Variants in CNNM2 observed in about 807,000 individuals in gnomAD.
CNNM2 encodes the protein metal transporter CNNM2.
In CNNM2, 12 loss-of-function variants were observed where a neutral mutation model predicts 66.9. That is an observed-to-expected ratio of 0.18 (90% CI 0.11 to 0.29). CNNM2 has a LOEUF of 0.29. CNNM2 is among the 10% of genes least tolerant of loss of function. The probability of loss-of-function intolerance (pLI) is 1.00; values close to 1 mark genes in which losing one functional copy is unlikely to be tolerated. For synonymous variants in CNNM2, 557 were observed against 501.8 expected, an observed-to-expected ratio of 1.11 and a Z score of -1.47; for missense variants, 705 against 1,167.7, an observed-to-expected ratio of 0.60 and a Z score of 5.77.
intron 1 of CNNM2, among the ~76,000 whole-genome samples, chr10:103,024,191 A>G (rs1457256179): frequency 6.6e-6 from 1 of 151,964 alleles, no homozygotes; most frequent in Non-Finnish European, 1.5e-5. Flanking sequence ...AATTCCTCTC[A>G]TTTTTTCATG....
At chr10:102,971,234 G>A (rs1272037336) in intron 1 of CNNM2, among the ~76,000 whole-genome samples, 1 of 133,814 alleles carries the variant, frequency 7.5e-6, no homozygotes, top group African/African-American at 2.8e-5. Context: ...TGGTGACTTA[G>A]AGACCTCGTC....
intron 1 of CNNM2, among the ~76,000 whole-genome samples, chr10:102,970,920 G>A (rs921854246): frequency 2.0e-5 from 3 of 151,900 alleles, no homozygotes; most frequent in Non-Finnish European, 4.4e-5. Context: ...GCTTGGTGTG[G>A]TGGCTCATGC....
chr10:103,055,441 TG>T (rs1177661508), intron 3 of CNNM2, among the ~76,000 whole-genome samples: 1 of 152,122 alleles, frequency 6.6e-6, no homozygotes, highest in Non-Finnish European at 1.5e-5. Context: ...TAATACAAAG[TG>T]GGGAGAAACA....
intron 1 of CNNM2, among the ~76,000 whole-genome samples, chr10:102,996,889 G>C (rs1263611359): frequency 1.3e-5 from 2 of 151,966 alleles, no homozygotes; most frequent in Non-Finnish European, 2.9e-5. Context: ...GCTCTCCATT[G>C]TATAATTCAT....
At chr10:103,066,320 CGTG>C (rs1564868650) in intron 4 of CNNM2, among the ~76,000 whole-genome samples, 1 of 152,176 alleles carries the variant, frequency 6.6e-6, no homozygotes, top group African/African-American at 2.4e-5. Context: ...TTCTCCCACT[CGTG>C]GTGTCCCTGT....
chr10:102,962,038 A>T (rs1163125559), intron 1 of CNNM2, among the ~76,000 whole-genome samples: 1 of 152,182 alleles, frequency 6.6e-6, no homozygotes, highest in African/African-American at 2.4e-5. Flanking sequence ...GAGAAGTGCA[A>T]ATTAAAACAG....
intron 1 of CNNM2, among the ~76,000 whole-genome samples, chr10:102,925,335 T>C (rs931543462): frequency 1.4e-5 from 2 of 145,118 alleles, no homozygotes; most frequent in Admixed American, 6.9e-5. Context: ...AAGATTTACT[T>C]GGGTCACTTA....
At chr10:102,931,169 C>T (rs1388707842) in intron 1 of CNNM2, among the ~76,000 whole-genome samples, 2 of 152,130 alleles carry the variant, frequency 1.3e-5, no homozygotes, top group African/African-American at 4.8e-5. Context: ...TACTGGGCTT[C>T]TGCCTCAGTG....
chr10:103,004,309 G>C (rs1345149372), intron 1 of CNNM2, among the ~76,000 whole-genome samples: 1 of 152,060 alleles, frequency 6.6e-6, no homozygotes, highest in Admixed American at 6.6e-5. Context: ...GCCTCATTGC[G>C]TGATTATACC....
chr10:103,058,283 A>T (rs1255772116), intron 4 of CNNM2, among the ~76,000 whole-genome samples: 1 of 151,978 alleles, frequency 6.6e-6, no homozygotes, highest in Non-Finnish European at 1.5e-5. Context: ...CACTGTTGGG[A>T]ATTTAGTTTA....
chr10:103,008,162 G>A lies in CNNM2; in HGVS notation c.1622-41545G>A, dbSNP rs538942874. ...GGAGGATTTTTTTTTTTTTAAACCA[G>A]TTTCCATGTTTGATTCTAGAGAGAA... On this transcript the variant is annotated intron_variant, in intron 1 of 7. Transcript: ENST00000369878. Among the ~76,000 whole-genome samples, 345 of 150,992 alleles carry A rather than the reference G, an allele frequency of 2.3e-3. 4 individuals carry two copies. The highest frequency in any genetic ancestry group is 8.0e-3 in the African/African-American group (327 of 41,094).
intron 1 of CNNM2, among the ~76,000 whole-genome samples, chr10:102,975,100 G>A (rs2063605378): frequency 6.6e-6 from 1 of 152,126 alleles, no homozygotes; most frequent in Non-Finnish European, 1.5e-5. Context: ...TCAATTTAAA[G>A]ACTAATTTGC....
In CNNM2 at chr10:103,077,171, C is replaced by T. The variant is rs539929682; in HGVS notation, c.2619C>T (p.Gly873=). The change falls in exon 8 of 8, where the codon GGC becomes GGT. Residue 873 remains glycine (G), a synonymous_variant. Transcript: ENST00000369878. ...SKANHSLHNE[G]AI Reference sequence around the variant, plus strand: ...CCAACCACAGCCTGCACAACGAAGGCGCCATCTAGGCCGCGCTGGCTGCAC... The same window carrying T: ...CCAACCACAGCCTGCACAACGAAGGTGCCATCTAGGCCGCGCTGGCTGCAC... The T allele has an allele frequency of 1.4e-5, 23 of 1,612,698 alleles. No homozygotes were observed. The highest frequency in any genetic ancestry group is 5.0e-5 in the Admixed American group (3 of 60,036).
In CNNM2 at chr10:103,025,980, T is replaced by C. The variant is rs79227132; in HGVS notation, c.1622-23727T>C. Among the ~76,000 whole-genome samples, 2,840 of 152,298 alleles carry C rather than the reference T, an allele frequency of 0.019. 67 individuals carry two copies. Among genetic ancestry groups the C allele is most frequent in the South Asian group, 0.12 (580 of 4,830 alleles). On this transcript the variant is annotated intron_variant, in intron 1 of 7. Coordinates refer to ENST00000369878, the MANE Select transcript of CNNM2 (RefSeq NM_017649.5). ...ATTGGGTCATCAGGTTCCTCGTGAATGGATTGGTGTCATTATGTAGTTAGG... is the reference window on the plus strand; with the variant it reads ...ATTGGGTCATCAGGTTCCTCGTGAACGGATTGGTGTCATTATGTAGTTAGG...
intron 1 of CNNM2, among the ~76,000 whole-genome samples, chr10:102,985,547 C>G (rs1381053871): frequency 6.6e-6 from 1 of 152,118 alleles, no homozygotes; most frequent in African/African-American, 2.4e-5. Context: ...CACTTATGTT[C>G]TCCTTCAGGT....
intron 1 of CNNM2, among the ~76,000 whole-genome samples, chr10:102,931,738 G>A (rs1471754687): frequency 6.6e-6 from 1 of 151,544 alleles, no homozygotes; most frequent in African/African-American, 2.4e-5. Flanking sequence ...TTAACTTTTT[G>A]AGAAACTGCC....
Position 103,087,067 on chromosome 10 carries a change from T to C in CNNM2, c.*9887T>C, listed in dbSNP as rs1253535684. 6.7e-6 allele frequency: 1 copy of C among 149,980 alleles called. No homozygotes were observed. The highest frequency in any genetic ancestry group is 1.5e-5 in the Non-Finnish European group (1 of 67,618). 9.3% of individuals were successfully genotyped at this position (149,980 alleles called of 1,614,324 possible). A position where few individuals can be genotyped will look rare whatever the true frequency, so the allele number is the denominator to read the frequency against. On this transcript the variant is annotated 3_prime_UTR_variant, in exon 8 of 8. Coordinates refer to ENST00000369878, the MANE Select transcript of CNNM2 (RefSeq NM_017649.5). ...TGGTGTTCTACAATGCCTATAGTGT[T>C]TTCAAAATGCCTGGGAAAAAATTCT...
At chr10:103,032,236 G>A (rs2064839388) in intron 1 of CNNM2, among the ~76,000 whole-genome samples, 1 of 152,096 alleles carries the variant, frequency 6.6e-6, no homozygotes, top group Non-Finnish European at 1.5e-5. Context: ...GATCACCTGA[G>A]GTCAGGAGTT....
intron 1 of CNNM2, among the ~76,000 whole-genome samples, chr10:102,954,436 A>G (rs1846960647): frequency 1.3e-5 from 2 of 152,146 alleles, no homozygotes; most frequent in African/African-American, 4.8e-5. Context: ...TTCAATAGTC[A>G]TATTTAATAA....
Sources: allele counts gnomAD v4.1 joint callset (sites outside exome capture counted in the v4.1 genomes callset), GRCh38; gene constraint gnomAD v4.1.1; transcripts MANE v1.5; gene names NCBI Gene and HGNC (gene_info 2026-07-23, HGNC 2026-07-21).